CPNE2: variants seen among roughly 807,000 people sequenced by gnomAD.
CPNE2 encodes the protein copine 2.
In CPNE2, 42 loss-of-function variants were observed where a neutral mutation model predicts 69.7. The observed-to-expected ratio is 0.60, with a 90% CI of 0.47 to 0.78. The LOEUF (loss-of-function observed/expected upper bound fraction) is 0.78, where lower values mean the gene tolerates loss of function less well. CPNE2 is among the 30% of genes least tolerant of loss of function. CPNE2 has a pLI of 0.00. For missense variants in CPNE2, 587 were observed against 732.0 expected, an observed-to-expected ratio of 0.80 and a Z score of 2.29; for synonymous variants, 294 against 289.8, an observed-to-expected ratio of 1.01 and a Z score of -0.15.
intron 12 of CPNE2, 114 bp from the exon 13 acceptor site, chr16:57,134,661 G>A: frequency 9.3e-7 from 1 of 1,075,372 alleles, no homozygotes; most frequent in Non-Finnish European, 1.4e-6. Flanking sequence ...GAGGGTAGGG[G>A]TGGGGGTTAT....
chr16:57,093,233 A>C (rs1475313204), intron 1 of CPNE2, among the ~76,000 whole-genome samples: 209 of 83,058 alleles, frequency 2.5e-3, no homozygotes, highest in East Asian at 3.0e-3. Flanking sequence ...CTCAACACCC[A>C]CCCCCTGCCC....
chr16:57,125,056 C>G (rs1326840297), intron 10 of CPNE2: 1 of 327,440 alleles, frequency 3.1e-6, no homozygotes, highest in African/African-American at 2.2e-5. Context: ...TCTCCTACCC[C>G]ACAGCAACTG....
intron 1 of CPNE2, among the ~76,000 whole-genome samples, chr16:57,101,517 C>T (rs1172031649): frequency 6.6e-6 from 1 of 152,220 alleles, no homozygotes; most frequent in African/African-American, 2.4e-5. Context: ...ACTCAGAAGT[C>T]TACAGAGACC....
intron 12 of CPNE2, among the ~76,000 whole-genome samples, chr16:57,134,086 G>A (rs1043674577): frequency 6.6e-6 from 1 of 152,224 alleles, no homozygotes; most frequent in South Asian, 2.1e-4. Flanking sequence ...GAAGCCATGC[G>A]AGCAGCAGCA....
intron 1 of CPNE2, among the ~76,000 whole-genome samples, chr16:57,108,236 A>G (rs867670336): frequency 1.3e-5 from 2 of 152,228 alleles, no homozygotes; most frequent in Non-Finnish European, 2.9e-5. Flanking sequence ...ATAGATGCTC[A>G]GTACACCCTC....
chr16:57,097,478 AC>A (rs1241037847), intron 1 of CPNE2, among the ~76,000 whole-genome samples: 1 of 152,176 alleles, frequency 6.6e-6, no homozygotes, highest in Non-Finnish European at 1.5e-5. Flanking sequence ...TCTGTGCACA[AC>A]CCTCTTCAGT....
intron 12 of CPNE2, 92 bp downstream of exon 12, chr16:57,127,995 G>A: frequency 7.6e-7 from 1 of 1,317,244 alleles, no homozygotes; most frequent in East Asian, 2.4e-5. Flanking sequence ...TCTTGGGCTG[G>A]GGCCCTGTTG....
At position 57,137,171 on chromosome 16, in the gene CPNE2, G is replaced by A. The variant is rs745727620; in HGVS notation, c.1191G>A (p.Ala397=). 9 of 1,614,168 alleles carry A rather than the reference G, an allele frequency of 5.6e-6. No individual in the cohort carries two copies. Among genetic ancestry groups the A allele is most frequent in the South Asian group, 2.2e-5 (2 of 91,076 alleles). ...FCSGVDGIAQ[A]YSACLPHIRF... The stretch of plus-strand genomic sequence containing the variant: ...CAGGTGTGGATGGTATTGCCCAGGC[G>A]TACTCAGCTTGCCTGCCCCACATCC... Residue 397 remains alanine (A), a synonymous_variant, in exon 14 of 16, where the codon GCG becomes GCA. Coordinates refer to ENST00000290776, the MANE Select transcript of CPNE2 (RefSeq NM_152727.6).
At chr16:57,106,506 G>T (rs1266920544) in intron 1 of CPNE2, among the ~76,000 whole-genome samples, 1 of 152,196 alleles carries the variant, frequency 6.6e-6, no homozygotes. Context: ...CATTGTATTT[G>T]TCAGTCTGGG....
intron 9 of CPNE2, 104 bp downstream of exon 9, chr16:57,121,864 C>G: frequency 9.5e-7 from 1 of 1,054,992 alleles, no homozygotes; most frequent in Non-Finnish European, 1.4e-6. Context: ...GTGTTCAAAT[C>G]CCGGCTCTGC....
At chr16:57,125,787 C>T in intron 10 of CPNE2, 73 bp from the exon 11 acceptor site, 2 of 1,590,002 alleles carry the variant, frequency 1.3e-6, no homozygotes, top group Non-Finnish European at 1.7e-6. Context: ...ATCTACCTCT[C>T]CTATTCCCTG....
In CPNE2 at chr16:57,110,569, T is replaced by C. The variant is rs75628818; in HGVS notation, c.-35-139T>C. 1,152 of 495,720 alleles carry C rather than the reference T, an allele frequency of 2.3e-3. 16 individuals are homozygous for C. The highest frequency in any genetic ancestry group is 0.02 in the African/African-American group (1,027 of 50,256). 30.7% of individuals were successfully genotyped at this position (495,720 alleles called of 1,614,324 possible). A position where few individuals can be genotyped will look rare whatever the true frequency, so the allele number is the denominator to read the frequency against. On this transcript the variant is annotated intron_variant, in intron 1 of 15. Transcript: ENST00000290776. ...ATTCTTCTTTCTTCAAACCTTTGCCTATGTTATTTGACAACCCGCCTCAAT... is the reference window on the plus strand; with the variant it reads ...ATTCTTCTTTCTTCAAACCTTTGCCCATGTTATTTGACAACCCGCCTCAAT...
At chr16:57,127,707 C>A in intron 11 of CPNE2, 142 bp from the exon 12 acceptor site, 1 of 798,584 alleles carries the variant, frequency 1.3e-6, no homozygotes, top group Non-Finnish European at 2.1e-6. Context: ...GGTAGATGAT[C>A]CTAACAGCTT....
intron 3 of CPNE2, among the ~76,000 whole-genome samples, chr16:57,113,835 C>T (rs1429794296): frequency 6.6e-6 from 1 of 152,238 alleles, no homozygotes; most frequent in Non-Finnish European, 1.5e-5. Flanking sequence ...CTTTCCCTCT[C>T]TGGGCCACAC....
At chr16:57,131,248 G>A (rs372177328) in intron 12 of CPNE2, among the ~76,000 whole-genome samples, 2 of 152,212 alleles carry the variant, frequency 1.3e-5, no homozygotes, top group Admixed American at 6.5e-5. Flanking sequence ...GGTCTCGCTC[G>A]GCCAGTGCCC....
intron 1 of CPNE2, among the ~76,000 whole-genome samples, chr16:57,103,543 C>G (rs12599992): frequency 0.068 from 10,317 of 152,322 alleles, 596 homozygotes; most frequent in African/African-American, 0.14. Context: ...CCACCAGCCT[C>G]TGGAATGGGG....
In CPNE2 at chr16:57,123,197, G is replaced by A. The variant is rs144105278; in HGVS notation, c.868-217G>A. 412 of 579,806 alleles carry A rather than the reference G, an allele frequency of 7.1e-4. 2 individuals are homozygous for A. In the African/African-American group the frequency reaches 7.3e-3, roughly 10 times the overall value. The allele number at this position is 579,806 out of a possible 1,614,324, so 35.9% of individuals were successfully genotyped here. On this transcript the variant is annotated intron_variant, in intron 9 of 15. Coordinates refer to ENST00000290776, the MANE Select transcript of CPNE2 (RefSeq NM_152727.6). ...ACCAGCATGTGTCTGTGTATCTGTG[G>A]GGTGTGGGGGTCTCTGTGAGTCCCC...
intron 10 of CPNE2, 167 bp downstream of exon 10, chr16:57,123,640 C>G: frequency 4.4e-6 from 3 of 678,760 alleles, no homozygotes; most frequent in Non-Finnish European, 2.5e-6. Context: ...AGTGGGCTGT[C>G]TGGTCCTGCT....
chr16:57,095,107 C>A (rs1597487393), intron 1 of CPNE2, among the ~76,000 whole-genome samples: 1 of 152,164 alleles, frequency 6.6e-6, no homozygotes, highest in East Asian at 1.9e-4. Flanking sequence ...CCTTGAGGAC[C>A]CAGCTCCTTC....
Sources: allele counts gnomAD v4.1 joint callset (sites outside exome capture counted in the v4.1 genomes callset), GRCh38; gene constraint gnomAD v4.1.1; transcripts MANE v1.5; gene names NCBI Gene and HGNC (gene_info 2026-07-23, HGNC 2026-07-21).